Variants in PCCA observed in about 807,000 individuals in gnomAD.
PCCA encodes the protein propionyl-CoA carboxylase subunit alpha, also known as propionyl-CoA carboxylase alpha chain, mitochondrial.
A neutral mutation model predicts 101.3 loss-of-function variants in PCCA; 74 were observed. The ratio of observed to expected loss-of-function variants is 0.73; its 90% CI spans 0.61 to 0.89. The LOEUF is 0.89. PCCA is among the 40% of genes least tolerant of loss of function. The probability of loss-of-function intolerance (pLI) is 0.00; values close to 1 mark genes in which losing one functional copy is unlikely to be tolerated. For missense variants in PCCA, 891 were observed against 907.0 expected (o/e 0.98, Z 0.23); for synonymous variants, 294 against 313.6 (o/e 0.94, Z 0.66).
At chr13:100,344,413 G>C (rs2071876093) in intron 18 of PCCA, among the ~76,000 whole-genome samples, 1 of 152,116 alleles carries the variant, frequency 6.6e-6, no homozygotes, top group Non-Finnish European at 1.5e-5. Flanking sequence ...TAAAGACTTA[G>C]CAATATGATA....
chr13:100,186,742 A>AAAAAAAAAAAC lies in PCCA; in HGVS notation c.469-22584_469-22583insAAAACAAAAAA, dbSNP rs1348503386. ...GGTGAGAGTGAGATTCCATCTCAAA[A>AAAAAAAAAAAC]AAAAAACAAAAAAAAAAAGAAAATA... On this transcript the variant is annotated intron_variant, in intron 6 of 23. Transcript: ENST00000376285. Among the ~76,000 whole-genome samples the AAAAAAAAAAAC allele has an allele frequency of 5.9e-4, 90 of 151,494 alleles. 1 individual carries two copies. In the Middle Eastern group the frequency reaches 0.01, roughly 17 times the overall value.
chr13:100,117,696 A>G (rs918629521), intron 4 of PCCA, among the ~76,000 whole-genome samples: 4 of 152,268 alleles, frequency 2.6e-5, no homozygotes, highest in African/African-American at 9.6e-5. Context: ...TGGGTGCAGC[A>G]AAACAACATG....
At chr13:100,423,040 C>T (rs1260351992) in intron 19 of PCCA, among the ~76,000 whole-genome samples, 3 of 149,300 alleles carry the variant, frequency 2.0e-5, no homozygotes, top group Admixed American at 1.3e-4. Context: ...ATGCAGACAT[C>T]GAGTATTGGT....
intron 21 of PCCA, among the ~76,000 whole-genome samples, chr13:100,481,836 T>G (rs1252192194): frequency 6.6e-6 from 1 of 152,186 alleles, no homozygotes; most frequent in Non-Finnish European, 1.5e-5. Flanking sequence ...AAATGAAACC[T>G]TGGAAAGCTA....
chr13:100,497,566 A>G (rs1377427432), intron 21 of PCCA, among the ~76,000 whole-genome samples: 1 of 152,066 alleles, frequency 6.6e-6, no homozygotes, highest in Non-Finnish European at 1.5e-5. Flanking sequence ...GCTCCTGTCA[A>G]GAAACTGCTG....
chr13:100,105,223 C>T (rs940512523), intron 2 of PCCA, among the ~76,000 whole-genome samples: 1 of 152,058 alleles, frequency 6.6e-6, no homozygotes, highest in Non-Finnish European at 1.5e-5. Flanking sequence ...AGCCCAATAA[C>T]CTCATGTGGC....
At chr13:100,423,848 C>T (rs896502028) in intron 19 of PCCA, among the ~76,000 whole-genome samples, 6 of 152,196 alleles carry the variant, frequency 3.9e-5, no homozygotes, top group African/African-American at 7.2e-5. Flanking sequence ...ATCTGCCTCG[C>T]GGCGCTGGCA....
At chr13:100,152,743 G>T (rs1024021005) in intron 4 of PCCA, among the ~76,000 whole-genome samples, 1 of 152,184 alleles carries the variant, frequency 6.6e-6, no homozygotes, top group African/African-American at 2.4e-5. Context: ...ACCGCGCCCG[G>T]CCTAGTTCTT....
chr13:100,111,868 A>G lies in PCCA; in HGVS notation c.211A>G (p.Arg71Gly), dbSNP rs2048352987. 2 of 1,610,318 alleles carry G rather than the reference A, an allele frequency of 1.2e-6. No homozygotes were observed. Among genetic ancestry groups the G allele is most frequent in the African/African-American group, 2.7e-5 (2 of 74,934 alleles). Residue 71 changes from arginine (R) to glycine (G), a missense_variant, in exon 3 of 24, where the codon AGA becomes GGA. Physicochemically the swap from Arg to Gly is moderately radical, Grantham distance 125. Transcript: ENST00000376285. ...TTTTGATAAAATTCTTGTTGCTAAT[A>G]GAGGAGAAATTGCATGTCGGGTGAG... The part of the protein sequence containing the change: ...KTFDKILVAN[R>G]GEIACRVIRT...
intron 7 of PCCA, among the ~76,000 whole-genome samples, chr13:100,220,849 T>A: frequency 6.6e-6 from 1 of 152,224 alleles, no homozygotes; most frequent in East Asian, 1.9e-4. Flanking sequence ...ATATTGAATA[T>A]GTTGTTTGTG....
chr13:100,232,369 T>TATGC (rs2152516227), intron 7 of PCCA, among the ~76,000 whole-genome samples: 1 of 149,970 alleles, frequency 6.7e-6, no homozygotes, highest in East Asian at 1.9e-4. Context: ...TGTGTGTGTG[T>TATGC]GTGTGTGTGT....
intron 22 of PCCA, among the ~76,000 whole-genome samples, chr13:100,522,346 T>C (rs1029727378): frequency 3.3e-5 from 5 of 152,246 alleles, no homozygotes; most frequent in African/African-American, 1.2e-4. Flanking sequence ...GGTAATGTAC[T>C]AGCAGCAGGT....
At chr13:100,097,784 G>T (rs186493487) in intron 1 of PCCA, among the ~76,000 whole-genome samples, 1 of 152,106 alleles carries the variant, frequency 6.6e-6, no homozygotes, top group Non-Finnish European at 1.5e-5. Flanking sequence ...GGCCAAGGTG[G>T]GAGGATCACT....
chr13:100,114,704 G>A (rs924109316), intron 4 of PCCA, among the ~76,000 whole-genome samples: 2 of 152,150 alleles, frequency 1.3e-5, no homozygotes, highest in Non-Finnish European at 2.9e-5. Context: ...TGATCATTAC[G>A]GAAATGCAAA....
intron 20 of PCCA, among the ~76,000 whole-genome samples, chr13:100,432,997 T>C (rs1011614981): frequency 3.3e-5 from 5 of 152,252 alleles, no homozygotes; most frequent in Non-Finnish European, 7.3e-5. Context: ...CTGAATAATA[T>C]TCCATTGTGT....
At position 100,138,795 on chromosome 13, in the gene PCCA, C is replaced by T. The variant is rs578144129; in HGVS notation, c.301-16184C>T. The stretch of plus-strand genomic sequence containing the variant: ...CAAAACTACAAAAAAATTAGCCAGG[C>T]GCAGTGGTAGGCGTCTGTAATCCCA... On this transcript the variant is annotated intron_variant, in intron 4 of 23. Transcript: ENST00000376285. 5.9e-5 allele frequency among the ~76,000 whole-genome samples: 9 copies of T among 151,874 alleles called. No individual in the cohort carries two copies. In the South Asian group the frequency reaches 1.0e-3, roughly 18 times the overall value.
intron 16 of PCCA, among the ~76,000 whole-genome samples, chr13:100,319,533 C>T (rs2067767252): frequency 6.6e-6 from 1 of 152,138 alleles, no homozygotes; most frequent in Non-Finnish European, 1.5e-5. Flanking sequence ...GGAAGGGATC[C>T]AGTTTCAGCT....
intron 8 of PCCA, among the ~76,000 whole-genome samples, chr13:100,246,275 A>G (rs681561): frequency 6.6e-6 from 1 of 150,508 alleles, no homozygotes; most frequent in South Asian, 2.1e-4. Flanking sequence ...GATTTCTGCT[A>G]TGATTTTGAC....
At chr13:100,156,017 C>T (rs1161930329) in intron 5 of PCCA, among the ~76,000 whole-genome samples, 1 of 152,178 alleles carries the variant, frequency 6.6e-6, no homozygotes, top group Non-Finnish European at 1.5e-5. Flanking sequence ...TTCTCTGATA[C>T]AGTAGTTTAA....
Sources: gnomAD v4.1 joint callset for allele counts (sites outside exome capture counted in the v4.1 genomes callset) on GRCh38, gnomAD v4.1.1 for gene constraint, MANE v1.5 for transcripts, NCBI Gene and HGNC (gene_info 2026-07-23, HGNC 2026-07-21) for gene names.